Variants in SOX5 observed in about 807,000 individuals in gnomAD.
The protein encoded by SOX5 is transcription factor SOX-5.
SOX5 carries 9 observed loss-of-function variants against 92.0 expected under a neutral mutation model. The observed-to-expected ratio is 0.10, with a 90% confidence interval of 0.06 to 0.17. The LOEUF is 0.17. Ranked by LOEUF, SOX5 falls within the 10% of genes least tolerant of loss-of-function variation. The pLI is 1.00. For missense variants in SOX5, 642 were observed against 944.5 expected (o/e 0.68, Z 4.20); for synonymous variants, 344 against 336.3 (o/e 1.02, Z -0.25).
intron 1 of SOX5, among the ~76,000 whole-genome samples, chr12:24,384,769 T>C (rs913184494): frequency 3.3e-5 from 5 of 152,120 alleles, no homozygotes; most frequent in Non-Finnish European, 7.4e-5. Flanking sequence ...CTCATGGGAA[T>C]GTGTTGCCCC....
At chr12:24,195,405 G>A (rs1237695127) in intron 4 of SOX5, among the ~76,000 whole-genome samples, 3 of 152,062 alleles carry the variant, frequency 2.0e-5, no homozygotes, top group Non-Finnish European at 4.4e-5. Flanking sequence ...AGAGAACCGA[G>A]GCAATTATTA....
intron 3 of SOX5, among the ~76,000 whole-genome samples, chr12:24,271,738 A>C (rs1943765363): frequency 6.6e-6 from 1 of 152,178 alleles, no homozygotes; most frequent in Admixed American, 6.5e-5. Context: ...TTATTTCTCC[A>C]CTTTAAAGGA....
At chr12:24,001,562 G>A (rs755361741) in intron 4 of SOX5, among the ~76,000 whole-genome samples, 22 of 152,104 alleles carry the variant, frequency 1.4e-4, no homozygotes, top group Non-Finnish European at 2.9e-4. Flanking sequence ...TGGGTGCAAT[G>A]GCTCATACTT....
intron 1 of SOX5, among the ~76,000 whole-genome samples, chr12:23,897,643 C>G (rs2097190780): frequency 1.3e-5 from 2 of 152,046 alleles, no homozygotes; most frequent in Non-Finnish European, 2.9e-5. Context: ...AACACTCAAA[C>G]ATGAGGAAAA....
chr12:24,044,018 A>C (rs1230383725), intron 4 of SOX5, among the ~76,000 whole-genome samples: 1 of 152,228 alleles, frequency 6.6e-6, no homozygotes, highest in Non-Finnish European at 1.5e-5. Flanking sequence ...CCTAATATAT[A>C]GTAAATATTC....
At chr12:23,819,471 A>G (rs974852790) in intron 3 of SOX5, among the ~76,000 whole-genome samples, 10 of 152,196 alleles carry the variant, frequency 6.6e-5, no homozygotes, top group African/African-American at 2.4e-4. Flanking sequence ...ATACATGTGC[A>G]GAATGTGCAG....
intron 3 of SOX5, chr12:23,762,666 T>C: frequency 2.1e-6 from 1 of 474,026 alleles, no homozygotes; most frequent in East Asian, 3.3e-5. Flanking sequence ...TAATGTGAAG[T>C]TTTTAGAAAA....
chr12:24,384,667 A>G (rs1404908377), intron 1 of SOX5, among the ~76,000 whole-genome samples: 1 of 152,224 alleles, frequency 6.6e-6, no homozygotes, highest in African/African-American at 2.4e-5. Context: ...AAACAGCAAA[A>G]GTTATGGCTA....
chr12:24,206,347 G>A (rs1378134242), intron 4 of SOX5, among the ~76,000 whole-genome samples: 1 of 152,154 alleles, frequency 6.6e-6, no homozygotes, highest in East Asian at 1.9e-4. Context: ...ACTGCTAATG[G>A]CAGGGCGTCT....
At chr12:23,820,443 C>A (rs1436440026) in intron 3 of SOX5, among the ~76,000 whole-genome samples, 2 of 152,142 alleles carry the variant, frequency 1.3e-5, no homozygotes. Flanking sequence ...TCCCATTTGT[C>A]AATTTTGGCT....
At chr12:24,280,042 G>A (rs759377079) in intron 2 of SOX5, among the ~76,000 whole-genome samples, 10 of 151,948 alleles carry the variant, frequency 6.6e-5, no homozygotes, top group Non-Finnish European at 1.2e-4. Context: ...TCTCCCACTA[G>A]GGACTGTGAA....
intron 4 of SOX5, among the ~76,000 whole-genome samples, chr12:24,157,595 A>C (rs1952320679): frequency 6.6e-6 from 1 of 152,138 alleles, no homozygotes; most frequent in South Asian, 2.1e-4. Flanking sequence ...AGCTCATTAC[A>C]GTTATCCTAT....
chr12:23,742,399 A>G (rs973970574), intron 4 of SOX5, among the ~76,000 whole-genome samples: 2 of 152,186 alleles, frequency 1.3e-5, no homozygotes, highest in Non-Finnish European at 2.9e-5. Context: ...CAGGTAGTCA[A>G]TAATGTGTTG....
intron 6 of SOX5, among the ~76,000 whole-genome samples, chr12:23,686,466 CAAAT>C (rs1298404894): frequency 2.0e-5 from 3 of 152,126 alleles, no homozygotes; most frequent in Non-Finnish European, 4.4e-5. Context: ...AAAACTGAAA[CAAAT>C]AGTAGAACTA....
chr12:24,048,795 T>C (rs542807807), intron 4 of SOX5, among the ~76,000 whole-genome samples: 3 of 152,320 alleles, frequency 2.0e-5, no homozygotes, highest in African/African-American at 7.2e-5. Flanking sequence ...TTATTTGAAA[T>C]ATCCCAAATA....
At chr12:23,712,756 T>C (rs1006776287) in intron 6 of SOX5, among the ~76,000 whole-genome samples, 1 of 152,196 alleles carries the variant, frequency 6.6e-6, no homozygotes, top group East Asian at 1.9e-4. Flanking sequence ...CTATGAAATG[T>C]GACTAAAAGT....
intron 2 of SOX5, among the ~76,000 whole-genome samples, chr12:24,354,135 G>A (rs1954487801): frequency 6.6e-6 from 1 of 152,228 alleles, no homozygotes; most frequent in Admixed American, 6.5e-5. Flanking sequence ...GGAGGAAAAT[G>A]CAAGGTATGA....
rs767648745 is a variant in SOX5, at chr12:23,734,799, C to T, written c.742-47G>A. 62 of 1,463,970 alleles carry T rather than the reference C, an allele frequency of 4.2e-5. No homozygotes were observed. The Admixed American group carries it at 5.5e-4, about 13-fold the overall frequency. 90.7% of individuals were successfully genotyped at this position (1,463,970 alleles called of 1,614,324 possible). A position where few individuals can be genotyped will look rare whatever the true frequency, so the allele number is the denominator to read the frequency against. ...GAAATTTACAAGTATATTGTAGTCC[C>T]GGAGGGAAGTTACTAATGTTCTGTT... On this transcript the variant is annotated intron_variant, in intron 5 of 14. Coordinates refer to ENST00000451604, the MANE Select transcript of SOX5 (RefSeq NM_006940.6).
chr12:24,400,212 A>G (rs1961184208), intron 1 of SOX5, among the ~76,000 whole-genome samples: 1 of 152,232 alleles, frequency 6.6e-6, no homozygotes. Context: ...TGAAACTTTC[A>G]AGATAGATGG....
Sources: allele counts gnomAD v4.1 joint callset (sites outside exome capture counted in the v4.1 genomes callset), GRCh38; gene constraint gnomAD v4.1.1; transcripts MANE v1.5; gene names NCBI Gene and HGNC (gene_info 2026-07-23, HGNC 2026-07-21).